Variants in DLG2 observed in about 807,000 individuals in gnomAD.
DLG2 encodes the protein discs large MAGUK scaffold protein 2, also known as disks large homolog 2.
In DLG2, 45 loss-of-function variants were observed where a neutral mutation model predicts 132.5. That is an observed-to-expected ratio of 0.34 (90% CI 0.27 to 0.44). DLG2 has a LOEUF of 0.44. Among genes scored for constraint, DLG2 ranks in the 20% least tolerant of loss-of-function variants. The pLI is 1.00. For missense variants in DLG2, 1,045 were observed against 1,196.9 expected (o/e 0.87, Z 1.87); for synonymous variants, 424 against 419.6 (o/e 1.01, Z -0.13).
intron 3 of DLG2, among the ~76,000 whole-genome samples, chr11:85,559,026 G>A (rs2077078420): frequency 6.6e-6 from 1 of 151,734 alleles, no homozygotes; most frequent in South Asian, 2.1e-4. Flanking sequence ...TGTAAGCTGT[G>A]AGAAGCCCTG....
chr11:83,913,324 G>A (rs1428486814), intron 15 of DLG2, among the ~76,000 whole-genome samples: 1 of 151,900 alleles, frequency 6.6e-6, no homozygotes, highest in Non-Finnish European at 1.5e-5. Context: ...CAAATACAGG[G>A]CTCTTATGGG....
At position 85,123,709 on chromosome 11, in the gene DLG2, C is replaced by T. The variant is rs115403610; in HGVS notation, c.283-11974G>A. On this transcript the variant is annotated intron_variant, in intron 5 of 27. Transcript: ENST00000376104. ...AGAACTCATTCATTTACTCTCAAAC[C>T]CGTTTCTCATAAAACCTGTCATCTC... Among the ~76,000 whole-genome samples the T allele has an allele frequency of 2.6e-3, 393 of 152,286 alleles. 1 individual carries two copies. Among genetic ancestry groups the T allele is most frequent in the African/African-American group, 9.2e-3 (381 of 41,564 alleles).
intron 4 of DLG2, among the ~76,000 whole-genome samples, chr11:85,190,997 G>A (rs981749044): frequency 1.4e-4 from 22 of 152,052 alleles, no homozygotes; most frequent in African/African-American, 4.6e-4. Flanking sequence ...CAGCAATCTC[G>A]TTACTGTCAT....
At chr11:84,687,819 T>C (rs932888280) in intron 6 of DLG2, among the ~76,000 whole-genome samples, 8 of 152,322 alleles carry the variant, frequency 5.3e-5, no homozygotes, top group East Asian at 3.9e-4. Context: ...AAAATGATGC[T>C]AGTTATTGAG....
At chr11:85,472,243 C>A (rs946549796) in intron 3 of DLG2, among the ~76,000 whole-genome samples, 3 of 152,220 alleles carry the variant, frequency 2.0e-5, no homozygotes, top group Non-Finnish European at 2.9e-5. Flanking sequence ...CATGCTGGGA[C>A]TACCTGCCTT....
intron 15 of DLG2, among the ~76,000 whole-genome samples, chr11:83,917,652 G>A (rs965707867): frequency 5.3e-5 from 8 of 152,034 alleles, no homozygotes; most frequent in South Asian, 2.1e-4. Context: ...CAGTTCTTCC[G>A]CACATATCCT....
At chr11:84,741,286 C>T (rs1353851332) in intron 6 of DLG2, among the ~76,000 whole-genome samples, 2 of 151,728 alleles carry the variant, frequency 1.3e-5, no homozygotes, top group Non-Finnish European at 2.9e-5. Flanking sequence ...GATCTCCTGA[C>T]CTCGTGATCC....
intron 15 of DLG2, among the ~76,000 whole-genome samples, chr11:83,910,116 AAGTGG>A (rs2154110256): frequency 6.6e-6 from 1 of 152,266 alleles, no homozygotes; most frequent in East Asian, 1.9e-4. Flanking sequence ...CAACCAAGTG[AAGTGG>A]AGTGTAGACT....
intron 8 of DLG2, among the ~76,000 whole-genome samples, chr11:84,220,357 C>A (rs146446444): frequency 1.4e-3 from 208 of 152,320 alleles, no homozygotes; most frequent in African/African-American, 4.2e-3. Context: ...ATACTCACTG[C>A]TTCACACAGA....
chr11:85,448,332 A>G (rs953802444), intron 3 of DLG2, among the ~76,000 whole-genome samples: 3 of 152,170 alleles, frequency 2.0e-5, no homozygotes, highest in Non-Finnish European at 4.4e-5. Flanking sequence ...AATTGCCTCA[A>G]TTCTCCTTGA....
At chr11:85,517,612 C>A (rs563125242) in intron 3 of DLG2, among the ~76,000 whole-genome samples, 139 of 145,122 alleles carry the variant, frequency 9.6e-4, no homozygotes, top group Non-Finnish European at 1.6e-3. Flanking sequence ...TTTCTTTCTT[C>A]TTTTTTTTTT....
rs563813165 is a variant in DLG2 at position 83,579,352 on chromosome 11, T to TA, written c.1941-37495dup. ...CTGTTCTTATTTGCTATTTGATGTT[T>TA]AAAAAACTACCTCTTTCTCACGTGG... On this transcript the variant is annotated intron_variant, in intron 19 of 27. Coordinates refer to ENST00000376104, the MANE Select transcript of DLG2 (RefSeq NM_001142699.3). 1.6e-4 allele frequency among the ~76,000 whole-genome samples: 25 copies of TA among 152,352 alleles called. No individual in the cohort carries two copies. In the East Asian group the frequency reaches 4.8e-3, roughly 29 times the overall value.
chr11:83,829,228 A>C (rs2053782716), intron 17 of DLG2, among the ~76,000 whole-genome samples: 1 of 132,814 alleles, frequency 7.5e-6, no homozygotes, highest in African/African-American at 2.8e-5. Flanking sequence ...ACAGAGTCTC[A>C]CTCTGTTGCC....
At chr11:84,294,648 G>A (rs562478951) in intron 7 of DLG2, among the ~76,000 whole-genome samples, 1 of 152,216 alleles carries the variant, frequency 6.6e-6, no homozygotes, top group South Asian at 2.1e-4. Flanking sequence ...CTCTATAAGA[G>A]ACAAAATTTA....
intron 8 of DLG2, among the ~76,000 whole-genome samples, chr11:84,216,485 G>A (rs775838660): frequency 1.3e-5 from 2 of 152,138 alleles, no homozygotes; most frequent in African/African-American, 2.4e-5. Context: ...TACATGTAAC[G>A]ATTTTGTTTA....
chr11:85,433,732 C>A (rs945652989), intron 3 of DLG2, among the ~76,000 whole-genome samples: 1 of 152,132 alleles, frequency 6.6e-6, no homozygotes, highest in Non-Finnish European at 1.5e-5. Flanking sequence ...GACTTTAACA[C>A]CCAGCTATCA....
intron 6 of DLG2, among the ~76,000 whole-genome samples, chr11:84,583,237 G>T (rs533499075): frequency 6.6e-6 from 1 of 152,256 alleles, no homozygotes; most frequent in South Asian, 2.1e-4. Flanking sequence ...TCACATGGCA[G>T]CATATGAATA....
chr11:83,805,033 T>G (rs1303407014), intron 17 of DLG2, among the ~76,000 whole-genome samples: 1 of 152,144 alleles, frequency 6.6e-6, no homozygotes, highest in Non-Finnish European at 1.5e-5. Context: ...AGGTGAAACA[T>G]TTTTAGCAAA....
intron 7 of DLG2, among the ~76,000 whole-genome samples, chr11:84,356,462 G>A (rs1393864829): frequency 1.3e-5 from 2 of 152,026 alleles, no homozygotes; most frequent in African/African-American, 4.8e-5. Context: ...ATGGCATTTG[G>A]AAACAAGACT....
Sources: gnomAD v4.1 joint callset for allele counts (sites outside exome capture counted in the v4.1 genomes callset) on GRCh38, gnomAD v4.1.1 for gene constraint, MANE v1.5 for transcripts, NCBI Gene and HGNC (gene_info 2026-07-23, HGNC 2026-07-21) for gene names.